The following SLC22A25 variants were observed in gnomAD, a reference collection of about 807,000 sequenced individuals.
SLC22A25 encodes MGI:2442751, MGI:2385316, MGI:3042283, MGI:3645714, MGI:3605624, MGI:2442750.
In SLC22A25, 44 loss-of-function variants were observed where a neutral mutation model predicts 45.9. The ratio of observed to expected loss-of-function variants is 0.96; its 90% CI spans 0.75 to 1.23. The LOEUF is 1.23. Ranked by LOEUF, SLC22A25 falls within the 50% of genes most tolerant of loss-of-function variation. The pLI is 0.00. For missense variants in SLC22A25, 800 were observed against 666.4 expected (o/e 1.20, Z -2.21); for synonymous variants, 283 against 238.6 (o/e 1.19, Z -1.72).
intron 7 of SLC22A25, among the ~76,000 whole-genome samples, chr11:63,196,504 C>A (rs1486443949): frequency 6.6e-6 from 1 of 152,144 alleles, no homozygotes; most frequent in Non-Finnish European, 1.5e-5. Context: ...ACGACAAAAA[C>A]CACATGATTA....
chr11:63,228,770 C>T (rs1177637562), intron 4 of SLC22A25, among the ~76,000 whole-genome samples: 1 of 152,114 alleles, frequency 6.6e-6, no homozygotes, highest in Non-Finnish European at 1.5e-5. Context: ...TTATTAGTGC[C>T]CAGTTTTATT....
At chr11:63,167,871 G>A in intron 9 of SLC22A25, 2 of 279,018 alleles carry the variant, frequency 7.2e-6, no homozygotes, top group Non-Finnish European at 1.4e-5. Context: ...TCCTGACTGG[G>A]AGACACTTCC....
rs1366467608 is a variant in SLC22A25 at position 63,159,977 on chromosome 11, A to G, written c.*3847T>C. On this transcript the variant is annotated 3_prime_UTR_variant, in exon 12 of 12. Coordinates refer to ENST00000306494, the MANE Select transcript of SLC22A25 (RefSeq NM_199352.6). ...AGTAAGATGATTTAGGGTATCTGTC[A>G]GAAGAAATTTTTAAGCAGCAAAGCA... Among the ~76,000 whole-genome samples, 1 of 152,216 alleles carries G rather than the reference A, an allele frequency of 6.6e-6. No individual in the cohort carries two copies. The highest frequency in any genetic ancestry group is 1.5e-5 in the Non-Finnish European group (1 of 68,028).
In SLC22A25 at chr11:63,198,434, G is replaced by A. The variant is rs562751962; in HGVS notation, c.831-14617C>T. Among the ~76,000 whole-genome samples, 13 of 152,224 alleles carry A rather than the reference G, an allele frequency of 8.5e-5. No individual in the cohort carries two copies. In the East Asian group the frequency reaches 2.5e-3, roughly 29 times the overall value. The stretch of plus-strand genomic sequence containing the variant: ...TATCCTTTGTAGGAACATAGATGAA[G>A]GTGGAAACCAGCACTCTGAGCAAAC... On this transcript the variant is annotated intron_variant, in intron 7 of 11. Transcript: ENST00000306494.
chr11:63,175,610 C>G (rs2134723606), intron 9 of SLC22A25, among the ~76,000 whole-genome samples: 1 of 151,990 alleles, frequency 6.6e-6, no homozygotes, highest in Middle Eastern at 3.4e-3. Context: ...GTTTGATGTC[C>G]TATTTGTATA....
In SLC22A25 at chr11:63,229,325, C is replaced by T. The variant is rs1337177114; in HGVS notation, c.328G>A (p.Glu110Lys). The T allele has an allele frequency of 6.2e-7, 1 of 1,611,806 alleles. No individual in the cohort carries two copies. Among genetic ancestry groups the T allele is most frequent in the Admixed American group, 1.7e-5 (1 of 59,936 alleles). ...HLNGTFPNTSEPDTEPCVDGW... is the reference protein window; with the variant it reads ...HLNGTFPNTSKPDTEPCVDGW... Reference sequence around the variant, plus strand: ...TCCACACAGGGCTCTGTATCTGGCTCACTCGTGTTGGGGAAGGTCCCATTC... The same window carrying T: ...TCCACACAGGGCTCTGTATCTGGCTTACTCGTGTTGGGGAAGGTCCCATTC... Residue 110 changes from glutamate to lysine, a missense_variant, in exon 4 of 12, where the codon GAG becomes AAG. Glu to Lys is a moderately conservative substitution (Grantham distance 56). Coordinates refer to ENST00000306494, the MANE Select transcript of SLC22A25 (RefSeq NM_199352.6).
chr11:63,212,785 T>G (rs1261597302), intron 7 of SLC22A25, among the ~76,000 whole-genome samples: 1 of 147,692 alleles, frequency 6.8e-6, no homozygotes, highest in Admixed American at 6.9e-5. Context: ...ACATGTACCC[T>G]AAAACTTAAA....
intron 7 of SLC22A25, among the ~76,000 whole-genome samples, chr11:63,188,657 T>A (rs548256924): frequency 6.6e-6 from 1 of 152,252 alleles, no homozygotes; most frequent in Non-Finnish European, 1.5e-5. Flanking sequence ...ATTTTGGATC[T>A]TTCCTGCTTT....
chr11:63,232,657 C>T (rs913172341), intron 3 of SLC22A25, among the ~76,000 whole-genome samples: 12 of 152,160 alleles, frequency 7.9e-5, no homozygotes, highest in African/African-American at 2.9e-4. Context: ...CTGGCCAGAA[C>T]TTCCAACACT....
intron 3 of SLC22A25, among the ~76,000 whole-genome samples, chr11:63,231,882 A>C (rs1452603356): frequency 1.3e-5 from 2 of 152,186 alleles, no homozygotes; most frequent in Non-Finnish European, 2.9e-5. Flanking sequence ...CCATTTATTA[A>C]ATAGGGAATC....
chr11:63,184,517 A>C (rs1453936730), intron 7 of SLC22A25, among the ~76,000 whole-genome samples: 2 of 152,174 alleles, frequency 1.3e-5, no homozygotes, highest in East Asian at 3.8e-4. Flanking sequence ...ATCATACATT[A>C]GGGTTTGTAA....
chr11:63,226,206 T>C (rs2089959204), intron 5 of SLC22A25, among the ~76,000 whole-genome samples: 1 of 152,174 alleles, frequency 6.6e-6, no homozygotes, highest in South Asian at 2.1e-4. Flanking sequence ...TTGTGGATGC[T>C]TTTTGGTGCC....
At chr11:63,242,862 G>A (rs2090272416) in intron 1 of SLC22A25, among the ~76,000 whole-genome samples, 2 of 152,144 alleles carry the variant, frequency 1.3e-5, no homozygotes, top group South Asian at 2.1e-4. Flanking sequence ...AGAGATGTGA[G>A]CGAGGCAGGC....
In SLC22A25 at chr11:63,159,412, C is replaced by T. The variant is rs1321185715; in HGVS notation, c.*4412G>A. Among the ~76,000 whole-genome samples, 2 of 152,094 alleles carry T rather than the reference C, an allele frequency of 1.3e-5. No homozygotes were observed. Among genetic ancestry groups the T allele is most frequent in the African/African-American group, 2.4e-5 (1 of 41,412 alleles). On this transcript the variant is annotated 3_prime_UTR_variant, in exon 12 of 12. Transcript: ENST00000306494. ...TCTTTCCCGTGCTATTCTTGTGATA[C>T]TGAATAAGTTTCATGAGATCTGAGG...
At chr11:63,236,942 T>C (rs897163499) in intron 3 of SLC22A25, among the ~76,000 whole-genome samples, 7 of 152,218 alleles carry the variant, frequency 4.6e-5, no homozygotes, top group Admixed American at 4.6e-4. Context: ...CTGTTCTCCA[T>C]ATCTTCATTT....
In SLC22A25 at chr11:63,183,687, T is replaced by C; in HGVS notation, c.954+7A>G. 6.2e-7 allele frequency: 1 copy of C among 1,612,682 alleles called. No individual in the cohort carries two copies. Among genetic ancestry groups the C allele is most frequent in the Non-Finnish European group, 8.5e-7 (1 of 1,179,002 alleles). On this transcript the variant is annotated splice_region_variant and intron_variant, in intron 8 of 11. Transcript: ENST00000306494. Reference sequence around the variant, plus strand: ...AGCATCCCATATCCAGCTCCCGTCTTGCTTACCTCCATGGTTAGGATGTCT... The same window carrying C: ...AGCATCCCATATCCAGCTCCCGTCTCGCTTACCTCCATGGTTAGGATGTCT...
intron 9 of SLC22A25, among the ~76,000 whole-genome samples, chr11:63,178,849 G>A (rs571274200): frequency 1.1e-4 from 17 of 151,778 alleles, no homozygotes; most frequent in African/African-American, 3.9e-4. Context: ...TGCTTTGTTT[G>A]CCTGTGCTTT....
chr11:63,182,743 G>A (rs756268526), intron 8 of SLC22A25, among the ~76,000 whole-genome samples: 1 of 151,982 alleles, frequency 6.6e-6, no homozygotes, highest in Non-Finnish European at 1.5e-5. Flanking sequence ...TCCTTTTGAA[G>A]GAGCTGTGCT....
rs1291477886 is a variant in SLC22A25 at position 63,217,286 on chromosome 11, T to C, written c.830+28A>G. On this transcript the variant is annotated intron_variant, in intron 7 of 11. Coordinates refer to ENST00000306494, the MANE Select transcript of SLC22A25 (RefSeq NM_199352.6). ...TACATCTGCATTCAAGGATGTCATA[T>C]GGCAAAAGAAGAATGCAAGCTCAAT... is the stretch of plus-strand genomic sequence containing the variant. 3.7e-6 allele frequency: 6 copies of C among 1,605,472 alleles called. No homozygotes were observed. In the East Asian group the frequency reaches 1.1e-4, roughly 30 times the overall value.
Sources: allele counts gnomAD v4.1 joint callset (sites outside exome capture counted in the v4.1 genomes callset), GRCh38; gene constraint gnomAD v4.1.1; transcripts MANE v1.5; gene names NCBI Gene and HGNC (gene_info 2026-07-23, HGNC 2026-07-21).